SBF2: variants seen among roughly 807,000 people sequenced by gnomAD.
SBF2 encodes the protein myotubularin-related protein 13.
Under a neutral mutation model 225.2 loss-of-function variants are expected in SBF2, and 112 were observed. The observed-to-expected ratio is 0.50, with a 90% CI of 0.43 to 0.58. The LOEUF (loss-of-function observed/expected upper bound fraction) is 0.58, where lower values mean the gene tolerates loss of function less well. Among genes scored for constraint, SBF2 ranks in the 20% least tolerant of loss-of-function variants. The pLI, the probability that SBF2 is intolerant of heterozygous loss-of-function variation, is 0.00. For synonymous variants in SBF2, 763 were observed against 773.3 expected (o/e 0.99, Z 0.22); for missense variants, 1,996 against 2,206.2 (o/e 0.90, Z 1.91).
chr11:10,124,935 T>C (rs1449224887), intron 2 of SBF2, among the ~76,000 whole-genome samples: 1 of 151,868 alleles, frequency 6.6e-6, no homozygotes, highest in East Asian at 1.9e-4. Flanking sequence ...CAAAACCCCG[T>C]CTCTACTAAA....
intron 2 of SBF2, among the ~76,000 whole-genome samples, chr11:10,063,848 C>G (rs865960491): frequency 0.014 from 1,639 of 116,574 alleles, 7 homozygotes; most frequent in Non-Finnish European, 0.019. Context: ...CACACACACA[C>G]ACACACACAC....
chr11:10,101,775 C>T (rs1013077207), intron 2 of SBF2, among the ~76,000 whole-genome samples: 4 of 152,112 alleles, frequency 2.6e-5, no homozygotes, highest in Non-Finnish European at 4.4e-5. Context: ...TCTTAGGCTG[C>T]AGCAAATCTG....
intron 8 of SBF2, among the ~76,000 whole-genome samples, chr11:9,999,820 CTTATAA>C (rs1368514520): frequency 2.0e-5 from 3 of 152,086 alleles, no homozygotes; most frequent in African/African-American, 7.2e-5. Flanking sequence ...GAAAGTCCTG[CTTATAA>C]TTATAATGTT....
At chr11:9,785,637 G>A (rs531559007) in intron 36 of SBF2, among the ~76,000 whole-genome samples, 1 of 152,262 alleles carries the variant, frequency 6.6e-6, no homozygotes, top group East Asian at 1.9e-4. Context: ...CGAGGTGAGT[G>A]GATCACTTGA....
rs1032010137 is a variant in SBF2 at position 10,182,384 on chromosome 11, A to G, written c.141+11518T>C. On this transcript the variant is annotated intron_variant, in intron 2 of 39. Transcript: ENST00000256190. ...TATGTATTTAAATATACACCTCTCT[A>G]TATATACATAAATATAAACATACAG... is the stretch of plus-strand genomic sequence containing the variant. 2.6e-5 allele frequency among the ~76,000 whole-genome samples: 4 copies of G among 152,202 alleles called. 1 individual carries two copies. The highest frequency in any genetic ancestry group is 7.2e-5 in the African/African-American group (3 of 41,444).
chr11:10,146,347 C>G (rs1361125783), intron 2 of SBF2, among the ~76,000 whole-genome samples: 7 of 152,122 alleles, frequency 4.6e-5, no homozygotes, highest in Non-Finnish European at 1.0e-4. Context: ...GTAACCAAAA[C>G]AGCACGGGGC....
chr11:10,063,858 C>CACACACACAGAGAGAGAGAGAG (rs373423157), intron 2 of SBF2, among the ~76,000 whole-genome samples: 2 of 136,172 alleles, frequency 1.5e-5, no homozygotes, highest in East Asian at 2.2e-4. Context: ...CACACACACA[C>CACACACACAGAGAGAGAGAGAG]AGAGAGAGAG....
chr11:10,224,884 G>A (rs1472348750), intron 1 of SBF2, among the ~76,000 whole-genome samples: 1 of 152,082 alleles, frequency 6.6e-6, no homozygotes, highest in South Asian at 2.1e-4. Flanking sequence ...TGAGAACAGG[G>A]ACCACACCTG....
intron 14 of SBF2, among the ~76,000 whole-genome samples, chr11:9,967,676 G>C (rs1867014976): frequency 6.6e-6 from 1 of 152,140 alleles, no homozygotes; most frequent in Non-Finnish European, 1.5e-5. Flanking sequence ...AACACTTTGG[G>C]AGGCCAAGGT....
At chr11:9,785,721 C>T (rs1852329041) in intron 36 of SBF2, among the ~76,000 whole-genome samples, 1 of 152,096 alleles carries the variant, frequency 6.6e-6, no homozygotes, top group Non-Finnish European at 1.5e-5. Flanking sequence ...AAAAATGAGC[C>T]AGGTATGGTG....
At chr11:9,868,172 A>G (rs910496291) in intron 17 of SBF2, among the ~76,000 whole-genome samples, 2 of 151,916 alleles carry the variant, frequency 1.3e-5, no homozygotes, top group Admixed American at 6.6e-5. Flanking sequence ...ATATCTAGTC[A>G]TTGTTCAAAT....
Position 10,118,606 on chromosome 11 carries a change from T to C in SBF2, c.141+75296A>G, listed in dbSNP as rs11823054. On this transcript the variant is annotated intron_variant, in intron 2 of 39. Transcript: ENST00000256190. The stretch of plus-strand genomic sequence containing the variant: ...TAATATTTGGTTGTACCATATATCC[T>C]CTTTCTAATGTCATGTGATAATCAG... Among the ~76,000 whole-genome samples the C allele has an allele frequency of 7.1e-3, 1,079 of 152,232 alleles. 10 individuals are homozygous for C. Among genetic ancestry groups the C allele is most frequent in the African/African-American group, 0.025 (1,025 of 41,568 alleles).
intron 2 of SBF2, among the ~76,000 whole-genome samples, chr11:10,170,242 T>C (rs1956131747): frequency 6.6e-6 from 1 of 152,176 alleles, no homozygotes; most frequent in Non-Finnish European, 1.5e-5. Context: ...TGTTTTCATG[T>C]AGTAATGTCA....
At position 9,961,965 on chromosome 11, in the gene SBF2, T is replaced by C. The variant is rs779355592; in HGVS notation, c.1852A>G (p.Thr618Ala). Residue 618 changes from threonine (T) to alanine (A), a missense_variant, in exon 16 of 40, where the codon ACT (threonine) becomes GCT (alanine). Thr to Ala is a moderately conservative substitution (Grantham distance 58, BLOSUM62 0). Transcript: ENST00000256190. ...FDYIIRMMNC[T>A]LQDCSSLEEY... is the part of the protein sequence containing the mutation. Reference sequence around the variant, plus strand: ...AAAGAACTACAAATTACCTGTAGAGTACAATTCATCATCCTTATTATGTAG... The same window carrying C: ...AAAGAACTACAAATTACCTGTAGAGCACAATTCATCATCCTTATTATGTAG... 19 of 1,613,304 alleles carry C rather than the reference T, an allele frequency of 1.2e-5. No individual in the cohort carries two copies. Among genetic ancestry groups the C allele is most frequent in the Non-Finnish European group, 1.4e-5 (17 of 1,179,516 alleles).
Position 9,818,165 on chromosome 11 carries a change from G to A in SBF2, c.3794-1141C>T, listed in dbSNP as rs1046523026. ...TCTTCATGTTGATCAGGCTGGTCTCGAACTCCCGACCTCAGGTGATCTGCC... is the reference window on the plus strand; with the variant it reads ...TCTTCATGTTGATCAGGCTGGTCTCAAACTCCCGACCTCAGGTGATCTGCC... On this transcript the variant is annotated intron_variant, in intron 28 of 39. Coordinates refer to ENST00000256190, the MANE Select transcript of SBF2 (RefSeq NM_030962.4). 4.6e-5 allele frequency among the ~76,000 whole-genome samples: 7 copies of A among 151,956 alleles called. No individual in the cohort carries two copies. The East Asian group carries it at 1.4e-3, about 29-fold the overall frequency.
intron 2 of SBF2, among the ~76,000 whole-genome samples, chr11:10,147,431 A>C (rs1266047452): frequency 6.6e-6 from 1 of 152,198 alleles, no homozygotes; most frequent in African/African-American, 2.4e-5. Flanking sequence ...ACATGAATGG[A>C]GCTGGAGGCC....
chr11:10,114,650 T>C (rs1010832161), intron 2 of SBF2, among the ~76,000 whole-genome samples: 1 of 152,262 alleles, frequency 6.6e-6, no homozygotes, highest in Admixed American at 6.5e-5. Flanking sequence ...TTGTATGCTT[T>C]CATTTCTAAG....
At chr11:10,229,060 G>A (rs965511042) in intron 1 of SBF2, among the ~76,000 whole-genome samples, 3 of 151,578 alleles carry the variant, frequency 2.0e-5, no homozygotes, top group South Asian at 2.1e-4. Flanking sequence ...AGGGTGTGTC[G>A]AGGAATTTAT....
intron 2 of SBF2, among the ~76,000 whole-genome samples, chr11:10,139,718 T>C (rs1954554064): frequency 6.6e-6 from 1 of 152,264 alleles, no homozygotes. Context: ...GTTAAGTAAT[T>C]GTCTTCCTGC....
Sources: allele counts gnomAD v4.1 joint callset (sites outside exome capture counted in the v4.1 genomes callset), GRCh38; gene constraint gnomAD v4.1.1; transcripts MANE v1.5; gene names NCBI Gene and HGNC (gene_info 2026-07-23, HGNC 2026-07-21).